Variants in SCLT1 observed in about 807,000 individuals in gnomAD.
SCLT1 encodes the protein sodium channel-associated protein 1.
SCLT1 carries 78 observed loss-of-function variants against 112.8 expected under a neutral mutation model. The ratio of observed to expected loss-of-function variants is 0.69; its 90% confidence interval spans 0.58 to 0.83. The LOEUF (loss-of-function observed/expected upper bound fraction) is 0.83, where lower values mean the gene tolerates loss of function less well. SCLT1 is among the 40% of genes least tolerant of loss of function. The probability of loss-of-function intolerance (pLI) is 0.00; values close to 1 mark genes in which losing one functional copy is unlikely to be tolerated. For synonymous variants in SCLT1, 257 were observed against 254.7 expected, an observed-to-expected ratio of 1.01 and a Z score of -0.09; for missense variants, 747 against 770.4, an observed-to-expected ratio of 0.97 and a Z score of 0.36.
At chr4:129,060,157 C>T (rs1386082361) in intron 2 of SCLT1, among the ~76,000 whole-genome samples, 3 of 151,896 alleles carry the variant, frequency 2.0e-5, no homozygotes, top group Non-Finnish European at 4.4e-5. Flanking sequence ...TAATCAAATT[C>T]TTCAGTTGAA....
chr4:129,013,849 C>T (rs1459330764), intron 5 of SCLT1, among the ~76,000 whole-genome samples: 2 of 152,138 alleles, frequency 1.3e-5, no homozygotes, highest in Non-Finnish European at 2.9e-5. Flanking sequence ...TTGAATGTTA[C>T]CCTCTCAAGC....
chr4:129,058,212 C>A (rs1208224564), intron 2 of SCLT1, among the ~76,000 whole-genome samples: 1 of 151,900 alleles, frequency 6.6e-6, no homozygotes, highest in East Asian at 1.9e-4. Context: ...TTTTTTAGTG[C>A]CAATTTTGTC....
intron 18 of SCLT1, among the ~76,000 whole-genome samples, chr4:128,909,254 T>C (rs1734916657): frequency 6.6e-6 from 1 of 152,166 alleles, no homozygotes; most frequent in South Asian, 2.1e-4. Context: ...ATTTTAAATT[T>C]TCTTTCTTTT....
rs138115389 is a variant in SCLT1, at chr4:129,014,269, T to C, written c.291-10393A>G. On this transcript the variant is annotated intron_variant, in intron 5 of 20. Coordinates refer to ENST00000281142, the MANE Select transcript of SCLT1 (RefSeq NM_144643.4). ...GTTTCAACATACTCCTGTAGCTCAA[T>C]GATCTTCGTTTCATGCATATTCTGA... 3.9e-3 allele frequency among the ~76,000 whole-genome samples: 601 copies of C among 152,272 alleles called. 2 individuals are homozygous for C. Among genetic ancestry groups the C allele is most frequent in the African/African-American group, 0.013 (559 of 41,572 alleles).
intron 20 of SCLT1, among the ~76,000 whole-genome samples, chr4:128,885,549 T>C (rs981209342): frequency 6.6e-6 from 1 of 152,214 alleles, no homozygotes; most frequent in Admixed American, 6.5e-5. Context: ...TGTTCCTCTG[T>C]GTGAATACTC....
At chr4:128,893,138 C>A (rs1733458028) in intron 18 of SCLT1, among the ~76,000 whole-genome samples, 1 of 152,184 alleles carries the variant, frequency 6.6e-6, no homozygotes, top group Admixed American at 6.5e-5. Context: ...AGCCAACATT[C>A]AGTTTACACA....
At chr4:129,007,899 G>C (rs1329141852) in intron 5 of SCLT1, among the ~76,000 whole-genome samples, 1 of 152,046 alleles carries the variant, frequency 6.6e-6, no homozygotes, top group Non-Finnish European at 1.5e-5. Context: ...GGAAGTGATA[G>C]AATCTTTTAG....
At chr4:128,984,087 A>G (rs186070977) in intron 9 of SCLT1, among the ~76,000 whole-genome samples, 10 of 152,334 alleles carry the variant, frequency 6.6e-5, no homozygotes, top group Non-Finnish European at 1.3e-4. Context: ...GTCAGTAAAT[A>G]TTATGGCAAA....
chr4:128,881,278 C>T (rs564660744), downstream of SCLT1, among the ~76,000 whole-genome samples: 1 of 152,040 alleles, frequency 6.6e-6, no homozygotes, highest in South Asian at 2.1e-4. Context: ...CAAAAAAGCT[C>T]ATTACAAATT....
At chr4:129,022,167 T>C (rs751790065) in intron 5 of SCLT1, among the ~76,000 whole-genome samples, 2 of 152,010 alleles carry the variant, frequency 1.3e-5, no homozygotes, top group Non-Finnish European at 2.9e-5. Context: ...CAAAGGTAGA[T>C]AAATCCATGA....
At chr4:128,987,046 T>C (rs751060182) in intron 9 of SCLT1, among the ~76,000 whole-genome samples, 8 of 152,220 alleles carry the variant, frequency 5.3e-5, no homozygotes, top group Admixed American at 1.3e-4. Context: ...TCTGTGTATG[T>C]AGGAGGATCT....
intron 18 of SCLT1, among the ~76,000 whole-genome samples, chr4:128,909,500 C>T (rs946193267): frequency 2.0e-4 from 31 of 152,196 alleles, no homozygotes; most frequent in Admixed American, 1.5e-3. Context: ...CCTCCCACTT[C>T]GGTCTCCCAA....
At chr4:129,090,126 T>G (rs558234377) in intron 1 of SCLT1, among the ~76,000 whole-genome samples, 3 of 152,282 alleles carry the variant, frequency 2.0e-5, no homozygotes, top group African/African-American at 7.2e-5. Flanking sequence ...GGCATAAATC[T>G]AACAAAAGAT....
intron 2 of SCLT1, among the ~76,000 whole-genome samples, chr4:129,081,823 G>A (rs755495409): frequency 2.0e-5 from 3 of 152,066 alleles, no homozygotes; most frequent in South Asian, 2.1e-4. Context: ...ACTAATCTAC[G>A]AGCCATTACC....
intron 2 of SCLT1, among the ~76,000 whole-genome samples, chr4:129,044,827 C>CAAA (rs61042798): frequency 3.9e-5 from 3 of 77,280 alleles, no homozygotes; most frequent in Non-Finnish European, 8.6e-5. Context: ...ATAATCTCAC[C>CAAA]AAAAAAAAAA....
chr4:128,990,242 A>C (rs1742442885), intron 9 of SCLT1, among the ~76,000 whole-genome samples: 1 of 152,004 alleles, frequency 6.6e-6, no homozygotes. Flanking sequence ...CATTAAAGAG[A>C]TCATTCTTCA....
At chr4:128,966,510 G>T (rs747426630) in intron 10 of SCLT1, among the ~76,000 whole-genome samples, 1 of 151,960 alleles carries the variant, frequency 6.6e-6, no homozygotes, top group Non-Finnish European at 1.5e-5. Flanking sequence ...CATCAAATAC[G>T]GTGTTATTAG....
intron 17 of SCLT1, among the ~76,000 whole-genome samples, chr4:128,939,829 A>G (rs1040328173): frequency 6.6e-6 from 1 of 152,216 alleles, no homozygotes; most frequent in African/African-American, 2.4e-5. Context: ...CTTTCAGTTT[A>G]TCTACTGAAG....
chr4:129,006,261 C>G (rs893452571), intron 5 of SCLT1, among the ~76,000 whole-genome samples: 6 of 151,914 alleles, frequency 3.9e-5, no homozygotes, highest in African/African-American at 1.5e-4. Context: ...AATTTTTAGC[C>G]AGGTTCGGTG....
Sources: allele counts gnomAD v4.1 joint callset (sites outside exome capture counted in the v4.1 genomes callset), GRCh38; gene constraint gnomAD v4.1.1; transcripts MANE v1.5; gene names NCBI Gene and HGNC (gene_info 2026-07-23, HGNC 2026-07-21).